The following PAK5 variants were observed in gnomAD, a reference collection of about 807,000 sequenced individuals.
PAK5 encodes the protein p21 (RAC1) activated kinase 5, also known as serine/threonine-protein kinase PAK 5.
In PAK5, 16 loss-of-function variants were observed where a neutral mutation model predicts 65.9. That is an observed-to-expected ratio of 0.24 (90% CI 0.16 to 0.37). PAK5 has a LOEUF of 0.37. Among genes scored for constraint, PAK5 ranks in the 10% least tolerant of loss-of-function variants. The probability of loss-of-function intolerance (pLI) is 1.00; values close to 1 mark genes in which losing one functional copy is unlikely to be tolerated. For synonymous variants in PAK5, 371 were observed against 354.9 expected (o/e 1.05, Z -0.51); for missense variants, 785 against 903.9 (o/e 0.87, Z 1.69).
chr20:9,590,213 T>A (rs1404823199), intron 3 of PAK5, among the ~76,000 whole-genome samples: 2 of 152,132 alleles, frequency 1.3e-5, no homozygotes, highest in African/African-American at 4.8e-5. Flanking sequence ...TCAAGTGATC[T>A]CATGCAACAG....
At chr20:9,674,909 T>C (rs928284021) in intron 2 of PAK5, among the ~76,000 whole-genome samples, 3 of 152,224 alleles carry the variant, frequency 2.0e-5, no homozygotes, top group Non-Finnish European at 4.4e-5. Flanking sequence ...GATGCTTCCA[T>C]TGGCTGAGAG....
In PAK5 at chr20:9,813,566, G is replaced by T. The variant is rs147148664; in HGVS notation, c.-162+25196C>A. Among the ~76,000 whole-genome samples the T allele has an allele frequency of 3.9e-5, 6 of 152,208 alleles. No individual in the cohort carries two copies. The East Asian group carries it at 1.2e-3, about 29-fold the overall frequency. The stretch of plus-strand genomic sequence containing the variant: ...AGTAACGTTCATAGCAGCAGTGTTT[G>T]TAATAGCCCTAAATGGAAAACCAGC... On this transcript the variant is annotated intron_variant, in intron 1 of 9. Transcript: ENST00000353224.
intron 1 of PAK5, chr20:9,784,363 T>G (rs758406557): frequency 2.0e-5 from 3 of 152,128 alleles, no homozygotes. Flanking sequence ...ATTACCCAGA[T>G]AGAAGCATCC....
At chr20:9,561,848 T>C (rs1045171694) in intron 6 of PAK5, among the ~76,000 whole-genome samples, 1 of 152,224 alleles carries the variant, frequency 6.6e-6, no homozygotes, top group Non-Finnish European at 1.5e-5. Context: ...ATTTTGTATG[T>C]CTATTCCACA....
intron 2 of PAK5, among the ~76,000 whole-genome samples, chr20:9,680,188 C>T (rs1361379036): frequency 1.3e-5 from 2 of 152,134 alleles, no homozygotes; most frequent in Non-Finnish European, 2.9e-5. Context: ...AGGTGCTATG[C>T]CACAGAGATA....
At chr20:9,761,367 CT>C (rs944867442) in intron 1 of PAK5, among the ~76,000 whole-genome samples, 2 of 152,014 alleles carry the variant, frequency 1.3e-5, no homozygotes, top group African/African-American at 4.8e-5. Context: ...CTGTAGAACA[CT>C]GATGAAATTA....
chr20:9,837,750 G>A (rs898106661), intron 1 of PAK5, among the ~76,000 whole-genome samples: 2 of 152,164 alleles, frequency 1.3e-5, no homozygotes, highest in Non-Finnish European at 2.9e-5. Context: ...GTAGAACTCC[G>A]TAGAATGCCA....
chr20:9,588,230 A>G (rs998439940), intron 3 of PAK5, among the ~76,000 whole-genome samples: 1 of 152,218 alleles, frequency 6.6e-6, no homozygotes, highest in Non-Finnish European at 1.5e-5. Context: ...TAATCACCCA[A>G]TAGTAAAAAA....
intron 1 of PAK5, among the ~76,000 whole-genome samples, chr20:9,767,529 G>C (rs992960978): frequency 1.6e-4 from 25 of 152,168 alleles, no homozygotes; most frequent in Admixed American, 7.2e-4. Flanking sequence ...TGTAAGAGTA[G>C]AGACCTTTCC....
At chr20:9,679,105 G>A (rs2047615135) in intron 2 of PAK5, among the ~76,000 whole-genome samples, 1 of 152,116 alleles carries the variant, frequency 6.6e-6, no homozygotes, top group South Asian at 2.1e-4. Flanking sequence ...ATAAAGCGAG[G>A]ATGAAGATAT....
At chr20:9,814,701 C>T (rs1176275021) in intron 1 of PAK5, among the ~76,000 whole-genome samples, 1 of 152,028 alleles carries the variant, frequency 6.6e-6, no homozygotes. Flanking sequence ...AGTATCTGTC[C>T]ATTCATAATC....
At chr20:9,645,310 A>G (rs564759864) in intron 2 of PAK5, among the ~76,000 whole-genome samples, 3 of 152,358 alleles carry the variant, frequency 2.0e-5, no homozygotes, top group Admixed American at 1.3e-4. Context: ...TCTAGAAAAT[A>G]TGTAAAATAG....
At chr20:9,748,231 G>A (rs968135682) in intron 1 of PAK5, among the ~76,000 whole-genome samples, 2 of 152,110 alleles carry the variant, frequency 1.3e-5, no homozygotes, top group African/African-American at 4.8e-5. Flanking sequence ...TGGGTAGGAA[G>A]AATCAATATC....
At chr20:9,636,456 C>A (rs527885491) in intron 3 of PAK5, among the ~76,000 whole-genome samples, 6 of 151,768 alleles carry the variant, frequency 4.0e-5, no homozygotes, top group Non-Finnish European at 5.9e-5. Flanking sequence ...CAGCAGCAGT[C>A]GATAAAAAAG....
Position 9,637,198 on chromosome 20 carries a change from C to T in PAK5, c.204+6927G>A, listed in dbSNP as rs557820875. Reference sequence around the variant, plus strand: ...TTTTTATTATTACTTTTAGTGGAGACGAGGTTTTGCTAGGTTGCCCAGGTT... The same window carrying T: ...TTTTTATTATTACTTTTAGTGGAGATGAGGTTTTGCTAGGTTGCCCAGGTT... On this transcript the variant is annotated intron_variant, in intron 3 of 9. Coordinates refer to ENST00000353224, the MANE Select transcript of PAK5 (RefSeq NM_177990.4). Among the ~76,000 whole-genome samples, 8 of 152,034 alleles carry T rather than the reference C, an allele frequency of 5.3e-5. No homozygotes were observed. In the South Asian group the frequency reaches 1.2e-3, roughly 24 times the overall value.
intron 3 of PAK5, among the ~76,000 whole-genome samples, chr20:9,622,257 T>G (rs1432820122): frequency 2.0e-5 from 3 of 152,222 alleles, no homozygotes; most frequent in African/African-American, 7.2e-5. Flanking sequence ...ACAGATGATC[T>G]AGATCTTCCC....
chr20:9,709,748 G>C (rs746763479), intron 2 of PAK5, among the ~76,000 whole-genome samples: 3 of 152,154 alleles, frequency 2.0e-5, no homozygotes, highest in Non-Finnish European at 2.9e-5. Flanking sequence ...ACTTTGCTGA[G>C]ATCTTAAAAT....
Position 9,662,461 on chromosome 20 carries a change from C to T in PAK5, c.-11-18122G>A, listed in dbSNP as rs77140134. ...AACTGGGCAAACATGTGCCCAGCTC[C>T]CTTTGCATCCAGGTACTGCCATGTG... On this transcript the variant is annotated intron_variant, in intron 2 of 9. Transcript: ENST00000353224. 1.2e-3 allele frequency among the ~76,000 whole-genome samples: 190 copies of T among 152,252 alleles called. 1 individual carries two copies. The East Asian group carries it at 0.034, about 27-fold the overall frequency.
At chr20:9,772,218 C>T (rs1569082070) in intron 1 of PAK5, among the ~76,000 whole-genome samples, 2 of 152,088 alleles carry the variant, frequency 1.3e-5, no homozygotes, top group Non-Finnish European at 2.9e-5. Context: ...ATGAGAGCAG[C>T]CACCTGGAGC....
Sources: gnomAD v4.1 joint callset for allele counts (sites outside exome capture counted in the v4.1 genomes callset) on GRCh38, gnomAD v4.1.1 for gene constraint, MANE v1.5 for transcripts, NCBI Gene and HGNC (gene_info 2026-07-23, HGNC 2026-07-21) for gene names.